Variants in SKAP1 observed in about 807,000 individuals in gnomAD.
SKAP1 encodes src kinase associated phosphoprotein 1.
SKAP1 carries 44 observed loss-of-function variants against 58.5 expected under a neutral mutation model. The observed-to-expected ratio is 0.75, with a 90% CI of 0.59 to 0.97. The LOEUF (loss-of-function observed/expected upper bound fraction) is 0.97. Among genes scored for constraint, SKAP1 ranks in the 50% least tolerant of loss-of-function variants. The pLI, the probability that SKAP1 is intolerant of heterozygous loss-of-function variation, is 0.00. For synonymous variants in SKAP1, 127 were observed against 149.7 expected, an observed-to-expected ratio of 0.85 and a Z score of 1.11; for missense variants, 390 against 435.2, an observed-to-expected ratio of 0.90 and a Z score of 0.92.
At chr17:48,431,798 T>C (rs1244344391), upstream of SKAP1, among the ~76,000 whole-genome samples, 2 of 151,918 alleles carry the variant, frequency 1.3e-5, no homozygotes, top group Non-Finnish European at 2.9e-5. Flanking sequence ...GGGAAGTGGG[T>C]AAAATGGTTT....
At chr17:48,218,950 A>G (rs968188591) in intron 4 of SKAP1, among the ~76,000 whole-genome samples, 7 of 152,226 alleles carry the variant, frequency 4.6e-5, no homozygotes, top group Admixed American at 2.0e-4. Context: ...AGGAATAAAC[A>G]TGCACACATT....
intron 3 of SKAP1, among the ~76,000 whole-genome samples, chr17:48,359,869 T>G (rs1241300033): frequency 3.3e-5 from 5 of 152,104 alleles, no homozygotes; most frequent in Non-Finnish European, 7.4e-5. Context: ...CCTCCCAAAG[T>G]GCTGGGACTA....
At chr17:48,294,952 T>C (rs2065946261) in intron 4 of SKAP1, among the ~76,000 whole-genome samples, 1 of 152,198 alleles carries the variant, frequency 6.6e-6, no homozygotes, top group South Asian at 2.1e-4. Flanking sequence ...GGTACACCTA[T>C]GTGACAAAAA....
At chr17:48,320,662 T>C (rs564845034) in intron 4 of SKAP1, among the ~76,000 whole-genome samples, 1 of 152,228 alleles carries the variant, frequency 6.6e-6, no homozygotes, top group South Asian at 2.1e-4. Flanking sequence ...CACCTGTAAT[T>C]CCAATGCTTT....
At chr17:48,438,317 A>G in the SKAP1 span, among the ~76,000 whole-genome samples, 1 of 152,230 alleles carries the variant, frequency 6.6e-6, no homozygotes, top group African/African-American at 2.4e-5. Context: ...TGTAAAGTTT[A>G]GTGATTACTG....
chr17:48,406,728 G>T (rs1483860900), intron 1 of SKAP1, among the ~76,000 whole-genome samples: 2 of 152,010 alleles, frequency 1.3e-5, no homozygotes, highest in East Asian at 3.9e-4. Context: ...ACCATGCCTA[G>T]CTAATTTTTG....
chr17:48,211,013 G>A (rs780691603), intron 4 of SKAP1, among the ~76,000 whole-genome samples: 1 of 152,082 alleles, frequency 6.6e-6, no homozygotes. Flanking sequence ...TAAAAAGACT[G>A]GGGGGAGGCA....
At chr17:48,409,694 A>G (rs536586427) in intron 1 of SKAP1, among the ~76,000 whole-genome samples, 1 of 151,342 alleles carries the variant, frequency 6.6e-6, no homozygotes, top group South Asian at 2.1e-4. Flanking sequence ...AAAGGAATGA[A>G]CTCTCAAGCT....
intron 11 of SKAP1, among the ~76,000 whole-genome samples, chr17:48,161,602 A>G (rs942373227): frequency 4.6e-5 from 7 of 152,160 alleles, no homozygotes; most frequent in African/African-American, 1.4e-4. Flanking sequence ...CAACACTACT[A>G]TTTGTAAGAT....
At chr17:48,348,927 G>A (rs2066759498) in intron 3 of SKAP1, among the ~76,000 whole-genome samples, 1 of 152,186 alleles carries the variant, frequency 6.6e-6, no homozygotes, top group Admixed American at 6.5e-5. Context: ...CAGAGCCTAG[G>A]TCAGTAGTAC....
At chr17:48,421,555 T>C (rs1357596719) in intron 1 of SKAP1, among the ~76,000 whole-genome samples, 1 of 152,152 alleles carries the variant, frequency 6.6e-6, no homozygotes, top group African/African-American at 2.4e-5. Flanking sequence ...TCTACCCACC[T>C]TGGCCTCCCG....
At chr17:48,189,328 C>T (rs1212389399) in intron 5 of SKAP1, 95 bp downstream of exon 5, 8 of 989,970 alleles carry the variant, frequency 8.1e-6, no homozygotes, top group South Asian at 1.5e-5. Flanking sequence ...AGCACAGTAC[C>T]GGGCACAGAG....
intron 4 of SKAP1, among the ~76,000 whole-genome samples, chr17:48,209,854 T>C (rs1216271438): frequency 1.3e-5 from 2 of 152,194 alleles, no homozygotes; most frequent in Admixed American, 1.3e-4. Flanking sequence ...GGTGTGTGTT[T>C]AAGTTAACTG....
chr17:48,345,931 G>A lies in SKAP1; in HGVS notation c.254C>T (p.Pro85Leu). ...CTCATCCTGATAATCTGACAAAAAGGGTGCATCGGATGTGAGGGACAGGCC... is the reference window on the plus strand; with the variant it reads ...CTCATCCTGATAATCTGACAAAAAGAGTGCATCGGATGTGAGGGACAGGCC... ...TLGLSLTSDA[P>L]FLSDYQDEGM... The change falls in exon 4 of 13, where the codon CCC (proline) becomes CTC (leucine). Residue 85 changes from proline (P) to leucine (L), a missense_variant. Coordinates refer to ENST00000336915, the MANE Select transcript of SKAP1 (RefSeq NM_003726.4). 1.2e-6 allele frequency: 2 copies of A among 1,613,264 alleles called. No individual in the cohort carries two copies. Among genetic ancestry groups the A allele is most frequent in the Non-Finnish European group, 1.7e-6 (2 of 1,179,476 alleles).
At chr17:48,142,955 C>T (rs967282929) in intron 11 of SKAP1, among the ~76,000 whole-genome samples, 8 of 151,504 alleles carry the variant, frequency 5.3e-5, no homozygotes, top group Admixed American at 1.3e-4. Flanking sequence ...GTGCATTTCA[C>T]CATGCCTGGC....
At chr17:48,287,289 C>T (rs1256752354) in intron 4 of SKAP1, among the ~76,000 whole-genome samples, 1 of 151,878 alleles carries the variant, frequency 6.6e-6, no homozygotes, top group East Asian at 1.9e-4. Context: ...CTACAAAATT[C>T]ACAATAATAA....
At chr17:48,142,876 G>C (rs1036752170) in intron 11 of SKAP1, among the ~76,000 whole-genome samples, 1 of 151,968 alleles carries the variant, frequency 6.6e-6, no homozygotes, top group Non-Finnish European at 1.5e-5. Context: ...TGCAAGTATA[G>C]CTCACTGCAA....
At chr17:48,262,738 A>T (rs2065498353) in intron 4 of SKAP1, among the ~76,000 whole-genome samples, 1 of 152,234 alleles carries the variant, frequency 6.6e-6, no homozygotes, top group South Asian at 2.1e-4. Context: ...AGTCACAGAC[A>T]TAATCTTCAG....
At chr17:48,176,030 TC>T (rs1465733930) in intron 9 of SKAP1, among the ~76,000 whole-genome samples, 2 of 152,206 alleles carry the variant, frequency 1.3e-5, no homozygotes, top group Non-Finnish European at 2.9e-5. Flanking sequence ...TGTTCCCCCT[TC>T]CTGTGGGTCT....
Sources: gnomAD v4.1 joint callset for allele counts (sites outside exome capture counted in the v4.1 genomes callset) on GRCh38, gnomAD v4.1.1 for gene constraint, MANE v1.5 for transcripts, NCBI Gene and HGNC (gene_info 2026-07-23, HGNC 2026-07-21) for gene names.